Variants in PI4KA observed in about 807,000 individuals in gnomAD.
PI4KA encodes PI4-kinase alpha.
A neutral mutation model predicts 271.4 loss-of-function variants in PI4KA; 122 were observed. The ratio of observed to expected loss-of-function variants is 0.45; its 90% CI spans 0.39 to 0.52. The LOEUF (loss-of-function observed/expected upper bound fraction) is 0.52. Among genes scored for constraint, PI4KA ranks in the 20% least tolerant of loss-of-function variants. The probability of loss-of-function intolerance (pLI) is 0.00; values close to 1 mark genes in which losing one functional copy is unlikely to be tolerated. For synonymous variants in PI4KA, 1,041 were observed against 1,078.8 expected (o/e 0.96, Z 0.69); for missense variants, 1,969 against 2,769.1 (o/e 0.71, Z 6.48).
In PI4KA at chr22:20,758,383, AAAAAAAC is replaced by A. The variant is rs1194373529; in HGVS notation, c.2791+2914_2791+2920del. Reference sequence around the variant, plus strand: ...CTGTCTCAAAAAAAAAAAAAAAAAAAAAAAAACATGAGATTCTGTGTCTTAAATGTCT... The same window carrying A: ...CTGTCTCAAAAAAAAAAAAAAAAAAAATGAGATTCTGTGTCTTAAATGTCT... On this transcript the variant is annotated intron_variant, in intron 23 of 54. Transcript: ENST00000255882. Among the ~76,000 whole-genome samples, 632 of 147,572 alleles carry A rather than the reference AAAAAAAC, an allele frequency of 4.3e-3. 8 individuals carry two copies. Among genetic ancestry groups the A allele is most frequent in the African/African-American group, 0.015 (581 of 39,856 alleles).
At chr22:20,823,494 T>A (rs1420985762) in intron 4 of PI4KA, among the ~76,000 whole-genome samples, 1 of 152,196 alleles carries the variant, frequency 6.6e-6, no homozygotes, top group Non-Finnish European at 1.5e-5. Context: ...ACTAACTTTC[T>A]AAGCGATAAA....
At position 20,839,699 on chromosome 22, in the gene PI4KA, G is replaced by A. The variant is rs189442481; in HGVS notation, c.157-968C>T. Among the ~76,000 whole-genome samples, 335 of 152,160 alleles carry A rather than the reference G, an allele frequency of 2.2e-3. 1 individual carries two copies. Among genetic ancestry groups the A allele is most frequent in the Non-Finnish European group, 3.8e-3 (260 of 68,016 alleles). The stretch of plus-strand genomic sequence containing the variant: ...ACAAAATGTAGCCAGGCATGGTGGC[G>A]AGCGGCTGTAATCCCAGCTACTCAG... On this transcript the variant is annotated intron_variant, in intron 1 of 54. Transcript: ENST00000255882.
At position 20,850,592 on chromosome 22, in the gene PI4KA, C is replaced by G. The variant is rs188959643; in HGVS notation, c.156+7978G>C. On this transcript the variant is annotated intron_variant, in intron 1 of 54. Transcript: ENST00000255882. ...CCCAGTAGCTGGGACTACAGGCCACCACGCCCAGCTAATTTTTTGTATTTT... is the reference window on the plus strand; with the variant it reads ...CCCAGTAGCTGGGACTACAGGCCACGACGCCCAGCTAATTTTTTGTATTTT... Among the ~76,000 whole-genome samples, 81 of 151,934 alleles carry G rather than the reference C, an allele frequency of 5.3e-4. 1 individual carries two copies. The Middle Eastern group carries it at 0.017, about 32-fold the overall frequency.
intron 32 of PI4KA, among the ~76,000 whole-genome samples, chr22:20,739,078 G>C (rs112522993): frequency 0.025 from 3,751 of 148,930 alleles, 178 homozygotes; most frequent in African/African-American, 0.088. Context: ...GGGCGCAGTG[G>C]CTCACGCCTA....
intron 45 of PI4KA, among the ~76,000 whole-genome samples, chr22:20,716,251 C>T (rs1298161479): frequency 2.0e-5 from 3 of 152,130 alleles, no homozygotes; most frequent in Admixed American, 6.5e-5. Flanking sequence ...GGGGTTTCAC[C>T]GTGTTAGCCA....
At chr22:20,746,038 CAAA>C (rs11330592) in intron 29 of PI4KA, among the ~76,000 whole-genome samples, 15 of 60,368 alleles carry the variant, frequency 2.5e-4, no homozygotes, top group Admixed American at 2.7e-4. Context: ...GGGGTTTCAT[CAAA>C]AAAAAAAAAA....
Position 20,715,329 on chromosome 22 carries a change from C to A in PI4KA, c.5318-629G>T, listed in dbSNP as rs535611860. On this transcript the variant is annotated intron_variant, in intron 45 of 54. Coordinates refer to ENST00000255882, the MANE Select transcript of PI4KA (RefSeq NM_058004.4). ...CAAGTGATCCACCTGTCTTGGCCTC[C>A]CAAGTGCTGGGATTACAGGTGTGAG... Among the ~76,000 whole-genome samples the A allele has an allele frequency of 2.6e-5, 4 of 152,060 alleles. No homozygotes were observed. In the South Asian group the frequency reaches 8.3e-4, roughly 32 times the overall value.
At chr22:20,751,061 A>G (rs1345259401) in intron 27 of PI4KA, among the ~76,000 whole-genome samples, 1 of 151,702 alleles carries the variant, frequency 6.6e-6, no homozygotes, top group Non-Finnish European at 1.5e-5. Context: ...AACATGGCTG[A>G]GGTGGGGGAG....
chr22:20,846,255 C>A, intron 1 of PI4KA, among the ~76,000 whole-genome samples: 1 of 101,814 alleles, frequency 9.8e-6, no homozygotes, highest in South Asian at 3.2e-4. Flanking sequence ...CAGAACAAGA[C>A]TCTATCTCAA....
chr22:20,725,130 C>T lies in PI4KA; in HGVS notation c.4995+1358G>A, dbSNP rs563019027. ...GCCCCTGGGACACCCAGCCATGTAA[C>T]TCAGCCAGCCCACAGGTGGGCCAGA... On this transcript the variant is annotated intron_variant, in intron 42 of 54. Transcript: ENST00000255882. Among the ~76,000 whole-genome samples, 8 of 152,338 alleles carry T rather than the reference C, an allele frequency of 5.3e-5. No homozygotes were observed. In the South Asian group the frequency reaches 1.7e-3, roughly 32 times the overall value.
intron 1 of PI4KA, among the ~76,000 whole-genome samples, chr22:20,854,470 G>C (rs934522332): frequency 2.0e-5 from 3 of 152,032 alleles, no homozygotes; most frequent in Non-Finnish European, 4.4e-5. Context: ...TAATAGGCTT[G>C]GTTTCATGGA....
chr22:20,806,577 C>T (rs926890640), intron 10 of PI4KA, among the ~76,000 whole-genome samples: 4 of 151,308 alleles, frequency 2.6e-5, no homozygotes, highest in African/African-American at 7.3e-5. Context: ...GGCTGAGGCA[C>T]GAGAGAATTG....
intron 13 of PI4KA, 144 bp downstream of exon 13, chr22:20,803,047 C>T: frequency 1.3e-6 from 1 of 787,212 alleles, no homozygotes; most frequent in Non-Finnish European, 2.1e-6. Flanking sequence ...AGGCCTGGAG[C>T]TTGGAGGGGA....
At chr22:20,790,855 A>G (rs1435710019) in intron 19 of PI4KA, among the ~76,000 whole-genome samples, 1 of 152,032 alleles carries the variant, frequency 6.6e-6, no homozygotes, top group Non-Finnish European at 1.5e-5. Flanking sequence ...ATAAAATCAA[A>G]TATTTGTTTC....
chr22:20,812,329 T>A (rs918152050), intron 8 of PI4KA, among the ~76,000 whole-genome samples: 11 of 152,300 alleles, frequency 7.2e-5, no homozygotes, highest in African/African-American at 2.6e-4. Flanking sequence ...TCTTCTTACA[T>A]CTTCAGCCTG....
intron 19 of PI4KA, among the ~76,000 whole-genome samples, chr22:20,776,602 C>G (rs943296552): frequency 6.6e-6 from 1 of 152,208 alleles, no homozygotes; most frequent in African/African-American, 2.4e-5. Context: ...GGAAGCTGCT[C>G]TGCACGGCCA....
At chr22:20,845,459 C>T (rs2147798859) in intron 1 of PI4KA, among the ~76,000 whole-genome samples, 1 of 152,276 alleles carries the variant, frequency 6.6e-6, no homozygotes, top group Non-Finnish European at 1.5e-5. Context: ...AAACAAAATT[C>T]TCTGAGAACA....
chr22:20,770,573 GACACGGAC>G (rs1932826450), intron 19 of PI4KA, among the ~76,000 whole-genome samples: 1 of 88,258 alleles, frequency 1.1e-5, no homozygotes, highest in Admixed American at 1.5e-4. Context: ...GCCCAAGCTG[GACACGGAC>G]ACACACACAC....
intron 9 of PI4KA, among the ~76,000 whole-genome samples, chr22:20,808,809 G>A (rs948904239): frequency 1.7e-4 from 26 of 151,966 alleles, no homozygotes; most frequent in African/African-American, 6.0e-4. Flanking sequence ...CTCCTGAGTA[G>A]CAGGGACTAC....
Sources: allele counts gnomAD v4.1 joint callset (sites outside exome capture counted in the v4.1 genomes callset), GRCh38; gene constraint gnomAD v4.1.1; transcripts MANE v1.5; gene names NCBI Gene and HGNC (gene_info 2026-07-23, HGNC 2026-07-21).